The following TRPM2 variants were observed in gnomAD, a reference collection of about 807,000 sequenced individuals.
TRPM2 encodes the protein estrogen-responsive element-associated gene 1 protein.
TRPM2 carries 161 observed loss-of-function variants against 174.0 expected under a neutral mutation model. The observed-to-expected ratio is 0.93, with a 90% confidence interval of 0.81 to 1.05. The LOEUF (loss-of-function observed/expected upper bound fraction) is 1.05, where lower values mean the gene tolerates loss of function less well. Among genes scored for constraint, TRPM2 ranks in the 50% least tolerant of loss-of-function variants. TRPM2 has a pLI of 0.00. For missense variants in TRPM2, 2,057 were observed against 2,038.0 expected (o/e 1.01, Z -0.18); for synonymous variants, 954 against 861.3 (o/e 1.11, Z -1.88).
intron 27 of TRPM2, among the ~76,000 whole-genome samples, chr21:44,434,076 C>T (rs1330799668): frequency 1.3e-5 from 2 of 149,860 alleles, no homozygotes; most frequent in Non-Finnish European, 2.9e-5. Flanking sequence ...GGAGCAGCCA[C>T]GCACTGCCGC....
chr21:44,391,647 C>A lies in TRPM2; in HGVS notation c.1794+22C>A, dbSNP rs761522380. 1.3e-6 allele frequency: 2 copies of A among 1,536,676 alleles called. No individual in the cohort carries two copies. Among genetic ancestry groups the A allele is most frequent in the South Asian group, 2.4e-5 (2 of 82,634 alleles). On this transcript the variant is annotated intron_variant, in intron 11 of 31. Coordinates refer to ENST00000397928, the MANE Select transcript of TRPM2 (RefSeq NM_003307.4). The surrounding 1 kb of genome is among the most constrained non-coding windows in gnomAD (Gnocchi z 5.0). ...CAACGTGCGTGCTGGTAACGGGGCC[C>A]ATCCTGGACTCGTCTTCGCGGGCTA... is the stretch of plus-strand genomic sequence containing the variant.
Position 44,376,410 on chromosome 21 carries a change from AT to A in TRPM2, c.952+405del, listed in dbSNP as rs1054990307. On this transcript the variant is annotated intron_variant, in intron 6 of 31. Coordinates refer to ENST00000397928, the MANE Select transcript of TRPM2 (RefSeq NM_003307.4). The surrounding 1 kb of genome is among the most constrained non-coding windows in gnomAD (Gnocchi z 4.2). ...GCTCGCAGGTAATGGGCCAACCTACATTTTTTTTGGGACAGGGTCTGGAGCG... is the reference window on the plus strand; with the variant it reads ...GCTCGCAGGTAATGGGCCAACCTACATTTTTTTGGGACAGGGTCTGGAGCG... Among the ~76,000 whole-genome samples, 12 of 151,836 alleles carry A rather than the reference AT, an allele frequency of 7.9e-5. 1 individual carries two copies. The highest frequency in any genetic ancestry group is 2.6e-4 in the Admixed American group (4 of 15,258).
At chr21:44,394,122 G>A (rs920376126) in intron 11 of TRPM2, among the ~76,000 whole-genome samples, 2 of 151,990 alleles carry the variant, frequency 1.3e-5, no homozygotes, top group African/African-American at 4.8e-5. Flanking sequence ...ACCCATCTTG[G>A]CCTCCCAAAG....
intron 4 of TRPM2, 142 bp from the exon 5 acceptor site, chr21:44,369,035 T>G: frequency 1.1e-6 from 1 of 914,154 alleles, no homozygotes; most frequent in Non-Finnish European, 1.6e-6. Flanking sequence ...CACCTGATGC[T>G]GGTTTGAAAG....
chr21:44,423,888 C>G (rs1003921668), intron 23 of TRPM2, among the ~76,000 whole-genome samples, 156 bp downstream of exon 23: 1 of 152,192 alleles, frequency 6.6e-6, no homozygotes, highest in African/African-American at 2.4e-5. Context: ...GAAGAGGCAC[C>G]CTGTGTGTCC....
Position 44,388,322 on chromosome 21 carries a change from A to G in TRPM2, c.1319-2582A>G, listed in dbSNP as rs557008079. ...CCAGTCACAAAAGGACAAATACTAT[A>G]TGATTCCAGTTACAAGAGGTCCCTG... On this transcript the variant is annotated intron_variant, in intron 9 of 31. Transcript: ENST00000397928. 7.5e-4 allele frequency among the ~76,000 whole-genome samples: 114 copies of G among 152,314 alleles called. 2 individuals carry two copies. Among genetic ancestry groups the G allele is most frequent in the Admixed American group, 7.4e-3 (113 of 15,292 alleles).
At chr21:44,425,967 C>T (rs983984333) in intron 25 of TRPM2, 140 bp downstream of exon 25, 1 of 1,203,566 alleles carries the variant, frequency 8.3e-7, no homozygotes, top group Non-Finnish European at 1.1e-6. Flanking sequence ...CTGGCAGCCC[C>T]TGTTTGACAT....
intron 19 of TRPM2, among the ~76,000 whole-genome samples, chr21:44,407,958 C>T (rs1040097083): frequency 1.1e-4 from 16 of 150,860 alleles, no homozygotes; most frequent in African/African-American, 3.2e-4. Context: ...GAGGGAGTCT[C>T]GCTCTGTTTT....
rs45627739 is a variant in TRPM2, at chr21:44,441,200, G to A, written c.4386+295G>A. ...ACAAAGGGGGCACCAGGGAGAGGCC[G>A]GGGAGCCACCTCAGGTGGCCAGAGC... On this transcript the variant is annotated intron_variant, in intron 31 of 31. Coordinates refer to ENST00000397928, the MANE Select transcript of TRPM2 (RefSeq NM_003307.4). 9.2e-3 allele frequency among the ~76,000 whole-genome samples: 1,397 copies of A among 152,138 alleles called. 17 individuals are homozygous for A. Among genetic ancestry groups the A allele is most frequent in the African/African-American group, 0.031 (1,306 of 41,484 alleles).
chr21:44,394,477 G>A (rs759607931), intron 11 of TRPM2, among the ~76,000 whole-genome samples: 17 of 151,854 alleles, frequency 1.1e-4, no homozygotes, highest in Non-Finnish European at 2.2e-4. Context: ...CCGCCACCAC[G>A]CCTGGCTAAT....
At chr21:44,404,200 C>T (rs946536106) in intron 16 of TRPM2, among the ~76,000 whole-genome samples, 1 of 151,892 alleles carries the variant, frequency 6.6e-6, no homozygotes, top group African/African-American at 2.4e-5. Flanking sequence ...TGCAAATACA[C>T]ATATACACAG....
rs369333401 is a variant in TRPM2, at chr21:44,354,790, A to G, written c.254+54A>G. ...TCTGACTTCTTCCTTCCGATCCCAC[A>G]TGGAGTAGCTGATCAGGCCAAGACC... On this transcript the variant is annotated intron_variant, in intron 2 of 31. Transcript: ENST00000397928. The surrounding 1 kb of genome is among the most constrained non-coding windows in gnomAD (Gnocchi z 4.3). 12 of 1,545,092 alleles carry G rather than the reference A, an allele frequency of 7.8e-6. No individual in the cohort carries two copies. Among genetic ancestry groups the G allele is most frequent in the Admixed American group, 6.7e-5 (4 of 59,916 alleles).
chr21:44,405,339 C>T lies in TRPM2; in HGVS notation c.2657+79C>T. ...GGATGAGCACAGGCCGGGCCCAGAA[C>T]CAGCCACACCGGGTGAGGCTCAGCT... On this transcript the variant is annotated intron_variant, in intron 17 of 31. Transcript: ENST00000397928. The T allele has an allele frequency of 1.9e-6, 3 of 1,581,592 alleles. No individual in the cohort carries two copies. In the South Asian group the frequency reaches 3.3e-5, roughly 18 times the overall value.
intron 12 of TRPM2, among the ~76,000 whole-genome samples, chr21:44,395,889 G>C (rs536848443): frequency 3.4e-5 from 2 of 58,616 alleles, no homozygotes; most frequent in Non-Finnish European, 6.7e-5. Context: ...CTGTGGAGGG[G>C]TGTGGAGACT....
At chr21:44,431,851 C>G (rs2051036160) in intron 27 of TRPM2, among the ~76,000 whole-genome samples, 1 of 152,174 alleles carries the variant, frequency 6.6e-6, no homozygotes, top group Admixed American at 6.6e-5. Context: ...GCGGGATTGG[C>G]AACACGCTGA....
At chr21:44,368,897 G>T (rs1006648822) in intron 4 of TRPM2, among the ~76,000 whole-genome samples, 1 of 152,194 alleles carries the variant, frequency 6.6e-6, no homozygotes, top group East Asian at 1.9e-4. Flanking sequence ...CAAAATACAA[G>T]AATGCAGAGA....
intron 11 of TRPM2, 25 bp from the exon 12 acceptor site, chr21:44,395,389 G>T (rs771749510): frequency 2.4e-5 from 39 of 1,611,494 alleles, no homozygotes; most frequent in Non-Finnish European, 3.0e-5. Flanking sequence ...CCCGGCTGGG[G>T]CTCTGACAGT....
chr21:44,429,287 T>C (rs945903653), intron 27 of TRPM2, among the ~76,000 whole-genome samples: 20 of 139,932 alleles, frequency 1.4e-4, no homozygotes, highest in South Asian at 9.4e-4. Context: ...TCTTTTTTTT[T>C]TTTTTTTTTT....
chr21:44,364,867 C>G (rs531060740), intron 3 of TRPM2, among the ~76,000 whole-genome samples: 284 of 152,336 alleles, frequency 1.9e-3, no homozygotes, highest in African/African-American at 6.4e-3. Flanking sequence ...GGGTTAGGTT[C>G]TCTCGTGCAC....
Sources: allele counts gnomAD v4.1 joint callset (sites outside exome capture counted in the v4.1 genomes callset), GRCh38; gene constraint gnomAD v4.1.1; non-coding constraint Gnocchi (gnomAD v3.1); transcripts MANE v1.5; gene names NCBI Gene and HGNC (gene_info 2026-07-23, HGNC 2026-07-21).